Variants in ZAN observed in about 807,000 individuals in gnomAD.
ZAN encodes the protein zonadhesin, also known as zonadhesin (gene/pseudogene).
A neutral mutation model predicts 286.2 loss-of-function variants in ZAN; 260 were observed. That is an observed-to-expected ratio of 0.91 (90% CI 0.82 to 1.01). The LOEUF is 1.01. ZAN is among the 50% of genes least tolerant of loss of function. ZAN has a pLI of 0.00. For missense variants in ZAN, 3,410 were observed against 3,639.2 expected, an observed-to-expected ratio of 0.94 and a Z score of 1.62; for synonymous variants, 1,368 against 1,417.5, an observed-to-expected ratio of 0.97 and a Z score of 0.79.
At position 100,762,130 on chromosome 7, in the gene ZAN, C is replaced by T. The variant is rs1174687868; in HGVS notation, c.3843-85C>T. 6.4e-6 allele frequency: 10 copies of T among 1,564,180 alleles called. No homozygotes were observed. The South Asian group carries it at 9.1e-5, about 14-fold the overall frequency. The stretch of plus-strand genomic sequence containing the variant: ...CCTCACGCCCTCTGTTTTAGGATCC[C>T]AGCTCCTTGCCTTCTCTGCCACTGC... On this transcript the variant is annotated intron_variant, in intron 19 of 47. Transcript: ENST00000613979.
chr7:100,753,905 T>C lies in ZAN; in HGVS notation c.3124+676T>C, dbSNP rs897516973. 4.8e-5 allele frequency among the ~76,000 whole-genome samples: 7 copies of C among 145,002 alleles called. No homozygotes were observed. The East Asian group carries it at 1.3e-3, about 27-fold the overall frequency. ...GTATATTCCTAAGGTTGTGCAACCA[T>C]CATCACTTTCTAATCCAAACACTTT... On this transcript the variant is annotated intron_variant, in intron 14 of 47. Coordinates refer to ENST00000613979, the MANE Select transcript of ZAN (RefSeq NM_003386.3).
chr7:100,762,417 C>CAA, intron 20 of ZAN, 59 bp downstream of exon 20: 3 of 1,063,496 alleles, frequency 2.8e-6, no homozygotes, highest in South Asian at 1.8e-5. Context: ...TCCTGGAACT[C>CAA]TCTTTTTTTT....
chr7:100,784,873 C>T, intron 36 of ZAN, 39 bp downstream of exon 36: 1 of 1,526,532 alleles, frequency 6.6e-7, no homozygotes, highest in Non-Finnish European at 8.8e-7. Context: ...GGCAACACAG[C>T]TTGAGGGCAG....
At chr7:100,745,040 C>T (rs1333176121) in intron 7 of ZAN, among the ~76,000 whole-genome samples, 1 of 151,466 alleles carries the variant, frequency 6.6e-6, no homozygotes, top group Non-Finnish European at 1.5e-5. Context: ...CCCGCCACCA[C>T]GCCCGGCTAA....
intron 27 of ZAN, among the ~76,000 whole-genome samples, chr7:100,769,437 C>T (rs1243390711): frequency 2.0e-5 from 3 of 152,028 alleles, no homozygotes; most frequent in Admixed American, 6.6e-5. Flanking sequence ...TTCCTCAGGC[C>T]CTCAGGTCTT....
At position 100,787,919 on chromosome 7, in the gene ZAN, C is replaced by A; in HGVS notation, c.7010C>A (p.Pro2337His). ...KSEQCSVYGD[P>H]RYLTFDGFSY... The stretch of plus-strand genomic sequence containing the variant: ...GAACAATGCTCAGTCTATGGCGACC[C>A]CCGTTACCTCACATTTGACGGCTTC... The change falls in exon 38 of 48, where the codon CCC becomes CAC. Residue 2337 changes from proline (P) to histidine (H), a missense_variant. Around this residue, in one of 7 missense-constraint regions of ZAN, gnomAD observed 1,289 missense variants for 1,314.3 expected, o/e 0.98. Transcript: ENST00000613979. 2 of 1,543,006 alleles carry A rather than the reference C, an allele frequency of 1.3e-6. No homozygotes were observed. Among genetic ancestry groups the A allele is most frequent in the Non-Finnish European group, 8.8e-7 (1 of 1,132,030 alleles).
chr7:100,793,866 C>T lies in ZAN; in HGVS notation c.7834C>T (p.Leu2612=), dbSNP rs1481763979. ...RYHISELYDT[L]PSILCQPGRP... is the part of the protein sequence containing the mutation. ...CCATATATCAGAGCTGTATGACACC[C>T]TGCCCAGCATCCTGTGCCAACCTGG... is the stretch of plus-strand genomic sequence containing the variant. Residue 2612 remains leucine (L), a synonymous_variant, in exon 43 of 48, where the codon CTG becomes TTG. Transcript: ENST00000613979. 12 of 1,613,346 alleles carry T rather than the reference C, an allele frequency of 7.4e-6. No homozygotes were observed. In the Admixed American group the frequency reaches 2.0e-4, roughly 27 times the overall value.
chr7:100,779,701 C>T lies in ZAN; in HGVS notation c.6573C>T (p.Cys2191=). The T allele has an allele frequency of 6.4e-7, 1 of 1,559,308 alleles. No homozygotes were observed. The highest frequency in any genetic ancestry group is 1.4e-5 in the African/African-American group (1 of 73,528). ...CTCTGCAAGCCTTCGGGGCCACCTG[C>T]CAGAGCCAGGGGCTCAAGCCCCCAC... ...CQALQAFGAT[C]QSQGLKPPLW... Residue 2191 remains cysteine, a synonymous_variant, in exon 35 of 48, where the codon TGC becomes TGT. Coordinates refer to ENST00000613979, the MANE Select transcript of ZAN (RefSeq NM_003386.3).
rs1167668223 is a variant in ZAN, at chr7:100,764,097, G to A, written c.4168G>A (p.Gly1390Arg). Residue 1390 changes from glycine to arginine, a missense_variant, in exon 22 of 48, where the codon GGG (glycine) becomes AGG (arginine). Physicochemically the swap from Gly to Arg is moderately radical, Grantham distance 125 (BLOSUM62 -2). Coordinates refer to ENST00000613979, the MANE Select transcript of ZAN (RefSeq NM_003386.3). ...CATGCTTGATATGTGCGGATTCCAGGGGCTGCAGCACCTGCTGTGCACACA... is the reference window on the plus strand; with the variant it reads ...CATGCTTGATATGTGCGGATTCCAGAGGCTGCAGCACCTGCTGTGCACACA... ...SCMLDMCGFQ[G>R]LQHLLCTHMS... 2 of 1,613,546 alleles carry A rather than the reference G, an allele frequency of 1.2e-6. No homozygotes were observed. Among genetic ancestry groups the A allele is most frequent in the Non-Finnish European group, 8.5e-7 (1 of 1,179,746 alleles).
chr7:100,752,374 GA>G lies in ZAN; in HGVS notation c.2274del (p.Lys758AsnfsTer243). 6.4e-7 allele frequency: 1 copy of G among 1,554,048 alleles called. No homozygotes were observed. The highest frequency in any genetic ancestry group is 8.7e-7 in the Non-Finnish European group (1 of 1,147,192). ...CACAGAAAAACCCACCATCTCCCCA[GA>G]AAAACCCACCACCCCCACAGAAAAA... is the stretch of plus-strand genomic sequence containing the variant. ...IPTEKPTISP[E>X]KPTTPTEKPT... On this transcript the variant is annotated frameshift_variant, in exon 14 of 48. Coordinates refer to ENST00000613979, the MANE Select transcript of ZAN (RefSeq NM_003386.3). LOFTEE classifies it high-confidence loss of function.
rs371851318 is a variant in ZAN, at chr7:100,792,399, C to T, written c.7713-6C>T. 43 of 1,606,684 alleles carry T rather than the reference C, an allele frequency of 2.7e-5. No individual in the cohort carries two copies. The African/African-American group carries it at 5.5e-4, about 20-fold the overall frequency. Reference sequence around the variant, plus strand: ...CTGTGCCCTTCCTGCCCCCTCTCTGCACCAGGCACTGCGTGCTGGATCTGT... The same window carrying T: ...CTGTGCCCTTCCTGCCCCCTCTCTGTACCAGGCACTGCGTGCTGGATCTGT... On this transcript the variant is annotated splice_polypyrimidine_tract_variant and splice_region_variant and intron_variant, in intron 41 of 47. Transcript: ENST00000613979.
chr7:100,757,331 G>C (rs549068819), intron 15 of ZAN, among the ~76,000 whole-genome samples: 1 of 152,192 alleles, frequency 6.6e-6, no homozygotes, highest in East Asian at 1.9e-4. Context: ...GGGTCGCCAC[G>C]AATAGGCTGT....
At chr7:100,791,151 C>T in intron 40 of ZAN, 38 bp downstream of exon 40, 2 of 1,591,262 alleles carry the variant, frequency 1.3e-6, no homozygotes, top group Non-Finnish European at 1.7e-6. Context: ...GGGAGGTGAA[C>T]AACAATGTCT....
Position 100,760,453 on chromosome 7 carries a change from C to T in ZAN, c.3759C>T (p.Ser1253=), listed in dbSNP as rs778226074. Reference sequence around the variant, plus strand: ...CTAAAGGCGTCTTCCTGGGTGCAAGCGGGCGGTTTGTGGAGCTGCAGACGG... The same window carrying T: ...CTAAAGGCGTCTTCCTGGGTGCAAGTGGGCGGTTTGTGGAGCTGCAGACGG... The part of the protein sequence containing the change: ...IPSKGVFLGA[S]GRFVELQTEF... The change falls in exon 19 of 48, where the codon AGC becomes AGT. Residue 1253 remains serine (S), a synonymous_variant. Coordinates refer to ENST00000613979, the MANE Select transcript of ZAN (RefSeq NM_003386.3). The T allele has an allele frequency of 3.9e-5, 63 of 1,613,796 alleles. No homozygotes were observed. Among genetic ancestry groups the T allele is most frequent in the Non-Finnish European group, 4.2e-5 (49 of 1,179,890 alleles).
chr7:100,775,355 A>G lies in ZAN; in HGVS notation c.5807A>G (p.Glu1936Gly). 6.2e-7 allele frequency: 1 copy of G among 1,613,362 alleles called. No homozygotes were observed. The highest frequency in any genetic ancestry group is 8.5e-7 in the Non-Finnish European group (1 of 1,179,728). The change falls in exon 32 of 48, where the codon GAG becomes GGG. Residue 1936 changes from glutamate (E) to glycine (G), a missense_variant. Glu to Gly is a moderately conservative substitution (Grantham distance 98). Transcript: ENST00000613979. ...GTGGGAGTGTGTCAGCTCCCAGGGG[A>G]GTCCCACTACGTGAGCTTTGATGGT... ...SGVGVCQLPGESHYVSFDGSN... is the reference protein window; with the variant it reads ...SGVGVCQLPGGSHYVSFDGSN...
intron 40 of ZAN, 25 bp downstream of exon 40, chr7:100,791,138 CG>C: frequency 1.3e-6 from 2 of 1,599,524 alleles, no homozygotes. Context: ...AGGGATGAGG[CG>C]GGGGAGGTGA....
At chr7:100,762,414 A>ACC (rs1248053419) in intron 20 of ZAN, 56 bp downstream of exon 20, 1 of 1,341,418 alleles carries the variant, frequency 7.5e-7, no homozygotes, top group Non-Finnish European at 9.7e-7. Context: ...CCTTCCTGGA[A>ACC]CTCTCTTTTT....
In ZAN at chr7:100,767,146, G is replaced by A. The variant is rs374910400; in HGVS notation, c.4749G>A (p.Val1583=). The A allele has an allele frequency of 6.2e-6, 10 of 1,613,852 alleles. No homozygotes were observed. Among genetic ancestry groups the A allele is most frequent in the South Asian group, 3.3e-5 (3 of 91,072 alleles). ...WSRSQDSYFV[V]SATNENRGGI... ...GGTCCCAAGACAGCTATTTTGTTGT[G>A]AGCGCCACCAACGAGAACCGCGGGG... Residue 1583 remains valine, a synonymous_variant, in exon 25 of 48, where the codon GTG becomes GTA. Transcript: ENST00000613979.
chr7:100,762,247 G>T lies in ZAN; in HGVS notation c.3875G>T (p.Gly1292Val), dbSNP rs752388223. Residue 1292 changes from glycine (G) to valine (V), a missense_variant, in exon 20 of 48, where the codon GGG (glycine) becomes GTG (valine). Physicochemically the swap from Gly to Val is moderately radical, Grantham distance 109. Transcript: ENST00000613979. ...TCTGGCAAACTCTGTGGTTTGTGTG[G>T]GAACTATGACGGCAACAGTGACAAT... ...TYSGKLCGLCGNYDGNSDNDH... is the reference protein window; with the variant it reads ...TYSGKLCGLCVNYDGNSDNDH... 7.4e-6 allele frequency: 12 copies of T among 1,613,280 alleles called. No homozygotes were observed. Among genetic ancestry groups the T allele is most frequent in the Non-Finnish European group, 1.0e-5 (12 of 1,179,674 alleles).
Sources: allele counts gnomAD v4.1 joint callset (sites outside exome capture counted in the v4.1 genomes callset), GRCh38; gene constraint gnomAD v4.1.1; regional missense constraint gnomAD v4.1.1; transcripts MANE v1.5; gene names NCBI Gene and HGNC (gene_info 2026-07-23, HGNC 2026-07-21).